Variants in COL4A1 observed in about 807,000 individuals in gnomAD.
COL4A1 encodes the protein collagen type IV alpha 1 chain.
COL4A1 carries 40 observed loss-of-function variants against 216.6 expected under a neutral mutation model. The ratio of observed to expected loss-of-function variants is 0.18; its 90% confidence interval spans 0.14 to 0.24. The LOEUF is 0.24. Among genes scored for constraint, COL4A1 ranks in the 10% least tolerant of loss-of-function variants. The probability of loss-of-function intolerance (pLI) is 1.00; values close to 1 mark genes in which losing one functional copy is unlikely to be tolerated. For synonymous variants in COL4A1, 839 were observed against 810.7 expected (o/e 1.03, Z -0.59); for missense variants, 1,628 against 2,196.8 (o/e 0.74, Z 5.18).
intron 1 of COL4A1, among the ~76,000 whole-genome samples, chr13:110,270,770 C>T (rs959049969): frequency 6.6e-6 from 1 of 152,178 alleles, no homozygotes; most frequent in African/African-American, 2.4e-5. Flanking sequence ...ACTGCGTCAC[C>T]GGAGAATATA....
chr13:110,166,832 C>T (rs1877367678), intron 44 of COL4A1, among the ~76,000 whole-genome samples: 1 of 152,142 alleles, frequency 6.6e-6, no homozygotes, highest in South Asian at 2.1e-4. Flanking sequence ...GTAAAAACTG[C>T]AGTGCCTGGG....
At chr13:110,274,256 G>A (rs566792128) in intron 1 of COL4A1, among the ~76,000 whole-genome samples, 36 of 152,224 alleles carry the variant, frequency 2.4e-4, no homozygotes, top group African/African-American at 7.2e-4. Flanking sequence ...CTAATACGTC[G>A]TATGTAGCTC....
intron 24 of COL4A1, chr13:110,190,601 T>C (rs1878584535): frequency 6.6e-6 from 1 of 152,256 alleles, no homozygotes; most frequent in Non-Finnish European, 1.5e-5. Flanking sequence ...CATTTTAATC[T>C]ACTCTCCTGT....
At chr13:110,232,145 G>A (rs1357266689) in intron 2 of COL4A1, among the ~76,000 whole-genome samples, 1 of 152,142 alleles carries the variant, frequency 6.6e-6, no homozygotes, top group Non-Finnish European at 1.5e-5. Context: ...TGAATTTGGG[G>A]CCAGTTAGCA....
chr13:110,201,020 G>T, intron 19 of COL4A1, 131 bp from the exon 20 acceptor site: 1 of 1,005,108 alleles, frequency 9.9e-7, no homozygotes, highest in Non-Finnish European at 1.6e-6. Context: ...GTAGAAAACA[G>T]AGCGGGAGAC....
intron 24 of COL4A1, chr13:110,190,789 G>A (rs1019540284): frequency 1.3e-5 from 2 of 152,110 alleles, no homozygotes; most frequent in Admixed American, 6.6e-5. Context: ...TTCCAACTCC[G>A]GAAAGAAAGG....
At chr13:110,247,825 GTGTGTGTGTGGC>G in intron 1 of COL4A1, among the ~76,000 whole-genome samples, 2 of 132,022 alleles carry the variant, frequency 1.5e-5, no homozygotes, top group African/African-American at 2.8e-5. Flanking sequence ...GTGTGTGTGT[GTGTGTGTGTGGC>G]AGAGAGAGAG....
intron 6 of COL4A1, 94 bp from the exon 7 acceptor site, chr13:110,212,016 T>C (rs1879825774): frequency 7.0e-6 from 9 of 1,282,562 alleles, no homozygotes; most frequent in Non-Finnish European, 1.0e-5. Context: ...ACCCTTCATT[T>C]GTTGGTTAAA....
At chr13:110,151,488 G>A (rs985793606) in intron 51 of COL4A1, among the ~76,000 whole-genome samples, 4 of 152,166 alleles carry the variant, frequency 2.6e-5, no homozygotes, top group Non-Finnish European at 5.9e-5. Context: ...GGCACTTTTT[G>A]GATGAGTAAC....
chr13:110,211,952 G>T lies in COL4A1; in HGVS notation c.388-30C>A, dbSNP rs377130144. The T allele has an allele frequency of 1.2e-6, 2 of 1,607,736 alleles. No homozygotes were observed. The highest frequency in any genetic ancestry group is 1.1e-5 in the South Asian group (1 of 90,960). The stretch of plus-strand genomic sequence containing the variant: ...GGAGACAGCAGAGCATCATTCATAC[G>T]CACTGTGTGTGGCAGACACATCAGC... On this transcript the variant is annotated intron_variant, in intron 6 of 51. Transcript: ENST00000375820. This position sits in a 1 kb window ranked among gnomAD's most constrained non-coding sequence, Gnocchi z 4.3.
rs975712950 is a variant in COL4A1 at position 110,178,106 on chromosome 13, G to C, written c.2584C>G (p.Leu862Val). 9 of 1,614,026 alleles carry C rather than the reference G, an allele frequency of 5.6e-6. No homozygotes were observed. In the African/African-American group the frequency reaches 1.1e-4, roughly 19 times the overall value. The change falls in exon 32 of 52, where the codon CTT becomes GTT. Residue 862 changes from leucine (L) to valine (V), a missense_variant. Coordinates refer to ENST00000375820, the MANE Select transcript of COL4A1 (RefSeq NM_001845.6). ...GITGQSGLPG[L>V]PGQQGAPGIP... ...CCAGGAGCCCCCTGCTGTCCAGGAA[G>C]GCCAGGGAGCCCCGACTGTCCCGTT...
intron 8 of COL4A1, among the ~76,000 whole-genome samples, chr13:110,210,904 A>G (rs890668750): frequency 6.6e-6 from 1 of 152,042 alleles, no homozygotes; most frequent in African/African-American, 2.4e-5. Flanking sequence ...TGGCCTGCCC[A>G]CCTCACTCTG....
At chr13:110,174,820 T>C in intron 37 of COL4A1, 71 bp from the exon 38 acceptor site, 2 of 1,388,454 alleles carry the variant, frequency 1.4e-6, no homozygotes, top group Non-Finnish European at 2.1e-6. Flanking sequence ...ATGTTATAGA[T>C]AATGGTATAC....
intron 39 of COL4A1, 27 bp downstream of exon 39, chr13:110,174,419 G>A (rs1221482256): frequency 1.2e-6 from 2 of 1,611,726 alleles, no homozygotes; most frequent in Admixed American, 1.7e-5. Context: ...TATGTGCCCG[G>A]GCTGTGTCCC....
intron 2 of COL4A1, among the ~76,000 whole-genome samples, chr13:110,233,179 G>A (rs1881145079): frequency 6.6e-6 from 1 of 152,084 alleles, no homozygotes; most frequent in Non-Finnish European, 1.5e-5. Flanking sequence ...TGTTTTCAAA[G>A]AACTATCAAA....
intron 1 of COL4A1, among the ~76,000 whole-genome samples, chr13:110,263,514 T>TGA (rs1434619466): frequency 6.6e-6 from 1 of 152,194 alleles, no homozygotes; most frequent in Admixed American, 6.5e-5. Flanking sequence ...AGTGCAGTGC[T>TGA]GTAGTTGTAG....
intron 1 of COL4A1, among the ~76,000 whole-genome samples, chr13:110,294,028 C>T (rs760571991): frequency 2.0e-5 from 3 of 152,170 alleles, no homozygotes; most frequent in African/African-American, 4.8e-5. Context: ...AATTTTGACT[C>T]TCAGAAAAGG....
chr13:110,252,576 T>TTA (rs369802711), intron 1 of COL4A1, among the ~76,000 whole-genome samples: 1 of 42,016 alleles, frequency 2.4e-5, no homozygotes, highest in African/African-American at 6.7e-5. Context: ...TATATATGTA[T>TTA]TATATACGTA....
intron 38 of COL4A1, 35 bp from the exon 39 acceptor site, chr13:110,174,561 A>C (rs1465459054): frequency 6.2e-7 from 1 of 1,614,124 alleles, no homozygotes; most frequent in Admixed American, 1.7e-5. Context: ...AACATCCATA[A>C]GTTTGGGCTT....
Sources: allele counts gnomAD v4.1 joint callset (sites outside exome capture counted in the v4.1 genomes callset), GRCh38; gene constraint gnomAD v4.1.1; non-coding constraint Gnocchi (gnomAD v3.1); transcripts MANE v1.5; gene names NCBI Gene and HGNC (gene_info 2026-07-23, HGNC 2026-07-21).